Variants in MROH2A observed in about 807,000 individuals in gnomAD.
MROH2A encodes the protein maestro heat-like repeat-containing protein family member 2A.
A neutral mutation model predicts 200.4 loss-of-function variants in MROH2A; 174 were observed. The observed-to-expected ratio is 0.87, with a 90% CI of 0.77 to 0.98. The LOEUF is 0.98. Among genes scored for constraint, MROH2A ranks in the 50% least tolerant of loss-of-function variants. The pLI is 0.00. For missense variants in MROH2A, 2,045 were observed against 2,139.6 expected (o/e 0.96, Z 0.87); for synonymous variants, 829 against 840.4 (o/e 0.99, Z 0.23).
intron 30 of MROH2A, among the ~76,000 whole-genome samples, 194 bp downstream of exon 30, chr2:233,819,663 T>C (rs1393201785): frequency 6.6e-6 from 1 of 152,224 alleles, no homozygotes; most frequent in Non-Finnish European, 1.5e-5. Context: ...GTTAGTTAAG[T>C]GCACGCTGAC....
chr2:233,793,221 G>A (rs544219474), intron 6 of MROH2A, among the ~76,000 whole-genome samples: 5 of 152,202 alleles, frequency 3.3e-5, no homozygotes, highest in Admixed American at 2.6e-4. Flanking sequence ...GAGGGAGACC[G>A]GGGAAAACGG....
At chr2:233,825,957 G>T (rs1704278464) in intron 35 of MROH2A, among the ~76,000 whole-genome samples, 3 of 107,706 alleles carry the variant, frequency 2.8e-5, no homozygotes, top group African/African-American at 1.1e-4. Context: ...ACAGGGTCTT[G>T]CTCTGTCGCC....
chr2:233,832,285 CAG>C lies in MROH2A; in HGVS notation c.4837+12_4837+13del, dbSNP rs1242480048. The C allele has an allele frequency of 9.0e-6, 14 of 1,549,216 alleles. No homozygotes were observed. Among genetic ancestry groups the C allele is most frequent in the African/African-American group, 6.8e-5 (5 of 73,010 alleles). On this transcript the variant is annotated splice_region_variant and intron_variant, in intron 40 of 41. Coordinates refer to ENST00000389758, the MANE Select transcript of MROH2A (RefSeq NM_001394639.1). ...CGCTGCTTGCAACTTGGCAGGTGAG[CAG>C]AGAGACGTCTCCTGACTCAAGATAG...
intron 15 of MROH2A, 24 bp from the exon 16 acceptor site, chr2:233,803,424 T>G: frequency 6.4e-7 from 1 of 1,550,434 alleles, no homozygotes; most frequent in Non-Finnish European, 8.7e-7. Flanking sequence ...AAGGCTCAGC[T>G]GGGGTTGCAT....
chr2:233,781,665 T>C (rs144988945), intron 3 of MROH2A, among the ~76,000 whole-genome samples: 15 of 152,312 alleles, frequency 9.8e-5, no homozygotes, highest in African/African-American at 3.4e-4. Context: ...TCTCCTATTC[T>C]GTGGGTTGTC....
In MROH2A at chr2:233,814,629, C is replaced by G. The variant is rs1443990991; in HGVS notation, c.2808C>G (p.Ser936Arg). 2 of 1,550,460 alleles carry G rather than the reference C, an allele frequency of 1.3e-6. No individual in the cohort carries two copies. The highest frequency in any genetic ancestry group is 1.2e-5 in the South Asian group (1 of 84,034). ...GCTCCCTGGAGCAGCTGATGGAGAG[C>G]CTCCTGCAGAGGCAGCTGGACCCCA... Reference protein sequence around the residue: ...ALSSLEQLMESLLQRQLDPKG... With the variant: ...ALSSLEQLMERLLQRQLDPKG... The change falls in exon 26 of 42, where the codon AGC (serine) becomes AGG (arginine). Residue 936 changes from serine (S) to arginine (R), a missense_variant. By Grantham distance (110) the Ser-to-Arg change is moderately radical (BLOSUM62 -1). Around this residue, in one of 3 missense-constraint regions of MROH2A, gnomAD observed 1,201 missense variants for 1,311.3 expected, o/e 0.92. Transcript: ENST00000389758.
chr2:233,833,374 T>A lies in MROH2A; in HGVS notation c.*115T>A, dbSNP rs1270117780. On this transcript the variant is annotated 3_prime_UTR_variant, in exon 42 of 42. Coordinates refer to ENST00000389758, the MANE Select transcript of MROH2A (RefSeq NM_001394639.1). ...AAACACTATTGTAAAATAACTAGTA[T>A]CCTTTTGTTTCCTTCCGTTGAAATA... 2.8e-5 allele frequency: 32 copies of A among 1,138,436 alleles called. No individual in the cohort carries two copies. The highest frequency in any genetic ancestry group is 3.7e-5 in the Non-Finnish European group (31 of 838,972). The allele number at this position is 1,138,436 out of a possible 1,614,324, so 70.5% of individuals were successfully genotyped here. A position where few individuals can be genotyped will look rare whatever the true frequency, so the allele number is the denominator to read the frequency against.
Position 233,794,359 on chromosome 2 carries a change from G to C in MROH2A, c.823-4G>C. On this transcript the variant is annotated splice_polypyrimidine_tract_variant and splice_region_variant and intron_variant, in intron 7 of 41. Transcript: ENST00000389758. Reference sequence around the variant, plus strand: ...TGCGTCCCAGAGCTGGTTTCTGGTGGCAGGTGAAGCTGGGGGTGATCAAGT... The same window carrying C: ...TGCGTCCCAGAGCTGGTTTCTGGTGCCAGGTGAAGCTGGGGGTGATCAAGT... The C allele has an allele frequency of 6.5e-7, 1 of 1,548,908 alleles. No homozygotes were observed. Among genetic ancestry groups the C allele is most frequent in the Non-Finnish European group, 8.7e-7 (1 of 1,145,552 alleles).
chr2:233,816,379 C>T (rs1375417920), intron 26 of MROH2A, among the ~76,000 whole-genome samples: 1 of 152,178 alleles, frequency 6.6e-6, no homozygotes, highest in African/African-American at 2.4e-5. Flanking sequence ...GGTGCATAAA[C>T]ATTTAGGATT....
In MROH2A at chr2:233,828,932, C is replaced by T; in HGVS notation, c.4306C>T (p.Pro1436Ser). The change falls in exon 37 of 42, where the codon CCC (proline) becomes TCC (serine). Residue 1436 changes from proline to serine, a missense_variant. Physicochemically the swap from Pro to Ser is moderately conservative, Grantham distance 74. Transcript: ENST00000389758. This position sits in a 1 kb window ranked among gnomAD's most constrained non-coding sequence, Gnocchi z 4.6. ...RKVLLEKCLG[P>S]LREPVSNSVT... ...GGTCTTGCTGGAGAAGTGCCTGGGC[C>T]CCCTGAGGGAGCCCGTGAGCAACAG... 2 of 1,550,472 alleles carry T rather than the reference C, an allele frequency of 1.3e-6. No homozygotes were observed. The highest frequency in any genetic ancestry group is 1.7e-6 in the Non-Finnish European group (2 of 1,146,982).
chr2:233,799,082 TG>T (rs1358372552), intron 12 of MROH2A, among the ~76,000 whole-genome samples: 1 of 152,206 alleles, frequency 6.6e-6, no homozygotes, highest in Non-Finnish European at 1.5e-5. Context: ...GGCACCACCT[TG>T]GACCCAACAG....
chr2:233,792,796 T>C lies in MROH2A; in HGVS notation c.572T>C (p.Val191Ala). Residue 191 changes from valine (V) to alanine (A), a missense_variant and splice_region_variant, in exon 6 of 42, where the codon GTG (valine) becomes GCG (alanine). Coordinates refer to ENST00000389758, the MANE Select transcript of MROH2A (RefSeq NM_001394639.1). ...ITLAKLANGNVFEFMPYMGIT... is the reference protein window; with the variant it reads ...ITLAKLANGNAFEFMPYMGIT... ...GTAATCATCCCTCACAACCTCACAGTGTTTGAGTTCATGCCATACATGGGC... is the reference window on the plus strand; with the variant it reads ...GTAATCATCCCTCACAACCTCACAGCGTTTGAGTTCATGCCATACATGGGC... 1 of 1,523,338 alleles carries C rather than the reference T, an allele frequency of 6.6e-7. No homozygotes were observed. Among genetic ancestry groups the C allele is most frequent in the Non-Finnish European group, 8.9e-7 (1 of 1,122,564 alleles). 94.4% of individuals were successfully genotyped at this position (1,523,338 alleles called of 1,614,324 possible).
intron 28 of MROH2A, 55 bp downstream of exon 28, chr2:233,818,180 C>G: frequency 6.5e-7 from 1 of 1,540,866 alleles, no homozygotes; most frequent in South Asian, 1.2e-5. Flanking sequence ...AGAGGGCTGA[C>G]TCCAGGAGTA....
chr2:233,795,715 A>C lies in MROH2A; in HGVS notation c.1029A>C (p.Leu343=). ...TTNTPVPQMQ[L]HTIFTELHVQ... ...ACACCCCTGTCCCCCAAATGCAGCT[A>C]CACACCATTTTCACAGAACTGCACG... The change falls in exon 9 of 42, where the codon CTA becomes CTC. Residue 343 remains leucine (L), a synonymous_variant. Transcript: ENST00000389758. 1 of 1,551,174 alleles carries C rather than the reference A, an allele frequency of 6.4e-7. No homozygotes were observed. Among genetic ancestry groups the C allele is most frequent in the Non-Finnish European group, 8.7e-7 (1 of 1,147,106 alleles).
At chr2:233,811,664 A>C (rs1703162695) in intron 23 of MROH2A, among the ~76,000 whole-genome samples, 1 of 152,264 alleles carries the variant, frequency 6.6e-6, no homozygotes, top group African/African-American at 2.4e-5. Flanking sequence ...CAAGTAGATG[A>C]GCAGCGCGAG....
upstream of MROH2A, among the ~76,000 whole-genome samples, chr2:233,777,398 G>T: frequency 6.6e-6 from 1 of 152,228 alleles, no homozygotes; most frequent in East Asian, 1.9e-4. Context: ...GCTCAGTGGG[G>T]AGTGGGAGGA....
intron 35 of MROH2A, among the ~76,000 whole-genome samples, chr2:233,825,577 T>C (rs1012996316): frequency 1.6e-4 from 25 of 152,222 alleles, no homozygotes; most frequent in Non-Finnish European, 3.4e-4. Context: ...GAGATAATCA[T>C]GTGGTTTTGT....
At chr2:233,818,295 C>T (rs971441893) in intron 28 of MROH2A, among the ~76,000 whole-genome samples, 170 bp downstream of exon 28, 1 of 152,166 alleles carries the variant, frequency 6.6e-6, no homozygotes, top group African/African-American at 2.4e-5. Context: ...AGTTCACCAA[C>T]AGGCCATGGA....
rs185308793 is a variant in MROH2A, at chr2:233,826,952, C to T, written c.4114-1678C>T. Among the ~76,000 whole-genome samples the T allele has an allele frequency of 3.5e-4, 53 of 152,140 alleles. No individual in the cohort carries two copies. In the East Asian group the frequency reaches 3.9e-3, roughly 11 times the overall value. ...CTTCTCAAAGAAGACACTCATGCAG[C>T]GAATAAACATATGAAAAAAAGCTAA... On this transcript the variant is annotated intron_variant, in intron 35 of 41. Transcript: ENST00000389758.
Sources: gnomAD v4.1 joint callset for allele counts (sites outside exome capture counted in the v4.1 genomes callset) on GRCh38, gnomAD v4.1.1 for gene constraint, gnomAD v4.1.1 regional missense constraint, Gnocchi (gnomAD v3.1) non-coding constraint, MANE v1.5 for transcripts, NCBI Gene and HGNC (gene_info 2026-07-23, HGNC 2026-07-21) for gene names.